The following TRANK1 variants were observed in gnomAD, a reference collection of about 807,000 sequenced individuals.
TRANK1 encodes the protein TPR and ankyrin repeat-containing protein 1.
A neutral mutation model predicts 266.0 loss-of-function variants in TRANK1; 198 were observed. The observed-to-expected ratio is 0.74, with a 90% CI of 0.66 to 0.84. TRANK1 has a LOEUF of 0.84. TRANK1 is among the 40% of genes least tolerant of loss of function. The pLI is 0.00. For synonymous variants in TRANK1, 1,396 were observed against 1,384.1 expected (o/e 1.01, Z -0.19); for missense variants, 3,326 against 3,634.6 (o/e 0.92, Z 2.18).
intron 2 of TRANK1, among the ~76,000 whole-genome samples, chr3:36,907,978 C>G (rs574305091): frequency 1.3e-5 from 2 of 152,192 alleles, no homozygotes; most frequent in African/African-American, 4.8e-5. Flanking sequence ...GCGGGGTGTG[C>G]GCTGTGGCCA....
intron 15 of TRANK1, chr3:36,850,266 G>A (rs2078969139): frequency 1.0e-6 from 1 of 985,292 alleles, no homozygotes; most frequent in Non-Finnish European, 1.2e-6. Flanking sequence ...GTGTGCATCT[G>A]ATTTTATTAG....
chr3:36,870,962 T>TAAAAAAAAAAAAAAAAAAAAAAA (rs563787088), intron 9 of TRANK1, among the ~76,000 whole-genome samples: 1 of 65,102 alleles, frequency 1.5e-5, no homozygotes, highest in Non-Finnish European at 2.9e-5. Flanking sequence ...ACAAGGAAAC[T>TAAAAAAAAAAAAAAAAAAAAAAA]AAAAAAAAAA....
chr3:36,905,583 CTG>C (rs2079954221), intron 2 of TRANK1, among the ~76,000 whole-genome samples: 1 of 152,178 alleles, frequency 6.6e-6, no homozygotes, highest in African/African-American at 2.4e-5. Flanking sequence ...GCCACCCAGT[CTG>C]TGCTATTTTG....
intron 20 of TRANK1, among the ~76,000 whole-genome samples, chr3:36,837,147 T>C (rs1186922086): frequency 1.3e-5 from 2 of 152,196 alleles, no homozygotes; most frequent in African/African-American, 4.8e-5. Context: ...CTTTTCCCAG[T>C]TCCCAAATGC....
Position 36,879,733 on chromosome 3 carries a change from TAAATATAC to T in TRANK1, c.908-5445_908-5438del, listed in dbSNP as rs1416654741. Among the ~76,000 whole-genome samples the T allele has an allele frequency of 1.9e-5, 2 of 105,768 alleles. 1 individual carries two copies. 69.4% of individuals were successfully genotyped at this position (105,768 alleles called of 152,430 possible). ...AAATATATAAATATATAAATATATA[TAAATATAC>T]AAATATATAAATATATATAAATATA... On this transcript the variant is annotated intron_variant, in intron 8 of 23. Transcript: ENST00000645898.
chr3:36,865,888 C>T (rs185472518), intron 9 of TRANK1, among the ~76,000 whole-genome samples: 1 of 151,314 alleles, frequency 6.6e-6, no homozygotes, highest in Admixed American at 6.6e-5. Context: ...ATGATTACAC[C>T]ACTGCACTCC....
At chr3:36,877,890 G>A (rs951015319) in intron 8 of TRANK1, among the ~76,000 whole-genome samples, 26 of 152,168 alleles carry the variant, frequency 1.7e-4, no homozygotes, top group African/African-American at 6.0e-4. Flanking sequence ...TATACAGTTG[G>A]ATAACATTCT....
At chr3:36,895,295 A>G (rs1221052476) in intron 5 of TRANK1, among the ~76,000 whole-genome samples, 1 of 152,210 alleles carries the variant, frequency 6.6e-6, no homozygotes, top group African/African-American at 2.4e-5. Context: ...CAGCCCAGAT[A>G]GGTCATCCGG....
chr3:36,877,986 T>C (rs558780307), intron 8 of TRANK1, among the ~76,000 whole-genome samples: 1 of 151,986 alleles, frequency 6.6e-6, no homozygotes, highest in Non-Finnish European at 1.5e-5. Flanking sequence ...AAGGAATAAG[T>C]TGAGGTAAAG....
intron 8 of TRANK1, among the ~76,000 whole-genome samples, chr3:36,879,341 G>T (rs547849338): frequency 8.7e-4 from 131 of 151,388 alleles, no homozygotes; most frequent in South Asian, 2.1e-3. Flanking sequence ...GGTATTGAAT[G>T]CTCTTTACTG....
Position 36,857,311 on chromosome 3 carries a change from T to C in TRANK1, c.2411A>G (p.Asp804Gly), listed in dbSNP as rs1195228328. Residue 804 changes from aspartate to glycine, a missense_variant, in exon 13 of 24, where the codon GAT becomes GGT. Transcript: ENST00000645898. This position sits in a 1 kb window ranked among gnomAD's most constrained non-coding sequence, Gnocchi z 4.3. ...GLGALQLVPD[D>G]NRGKEGNDDQ... ...ATCATTGCCCTCCTTCCCCCTGTTA[T>C]CATCAGGCACAAGCTGCAAGGCCCC... 6.2e-7 allele frequency: 1 copy of C among 1,609,032 alleles called. No individual in the cohort carries two copies. The highest frequency in any genetic ancestry group is 8.5e-7 in the Non-Finnish European group (1 of 1,177,662).
At chr3:36,853,628 C>G (rs1262996299) in intron 13 of TRANK1, among the ~76,000 whole-genome samples, 1 of 152,156 alleles carries the variant, frequency 6.6e-6, no homozygotes, top group Admixed American at 6.5e-5. Flanking sequence ...TTCTAGGGAA[C>G]TAGACAAGTA....
intron 17 of TRANK1, among the ~76,000 whole-genome samples, chr3:36,843,254 G>A (rs1204250424): frequency 2.0e-5 from 3 of 152,156 alleles, no homozygotes; most frequent in Admixed American, 1.3e-4. Context: ...AAAGGAGGAG[G>A]TAGAGGGGAG....
intron 9 of TRANK1, among the ~76,000 whole-genome samples, chr3:36,867,692 C>A (rs1366606650): frequency 6.6e-6 from 1 of 152,152 alleles, no homozygotes; most frequent in Non-Finnish European, 1.5e-5. Context: ...AAGTACTGAA[C>A]AACAAAAGAC....
At chr3:36,930,775 A>G (rs893141540) in intron 1 of TRANK1, among the ~76,000 whole-genome samples, 10 of 152,182 alleles carry the variant, frequency 6.6e-5, no homozygotes, top group Non-Finnish European at 1.5e-4. Context: ...GTGATTGCCA[A>G]AAAAAGAGAG....
chr3:36,881,306 G>T (rs1254146413), intron 8 of TRANK1, among the ~76,000 whole-genome samples: 1 of 152,062 alleles, frequency 6.6e-6, no homozygotes. Flanking sequence ...ACAAAAATTA[G>T]CCAGGCATGG....
intron 9 of TRANK1, among the ~76,000 whole-genome samples, chr3:36,865,508 T>C (rs1022298404): frequency 6.6e-6 from 1 of 152,174 alleles, no homozygotes; most frequent in Non-Finnish European, 1.5e-5. Flanking sequence ...TAAGGAGCCA[T>C]CTCTCTGGCC....
At chr3:36,938,110 G>A (rs190955257) in intron 1 of TRANK1, among the ~76,000 whole-genome samples, 131 of 152,310 alleles carry the variant, frequency 8.6e-4, no homozygotes, top group African/African-American at 3.1e-3. Context: ...GGAGCTCCCC[G>A]TAGACAAAAC....
intron 9 of TRANK1, among the ~76,000 whole-genome samples, chr3:36,866,663 A>G (rs1051941358): frequency 6.6e-6 from 1 of 152,226 alleles, no homozygotes; most frequent in African/African-American, 2.4e-5. Flanking sequence ...GCCTTTGGAC[A>G]ATATAAATTC....
Sources: allele counts gnomAD v4.1 joint callset (sites outside exome capture counted in the v4.1 genomes callset), GRCh38; gene constraint gnomAD v4.1.1; non-coding constraint Gnocchi (gnomAD v3.1); transcripts MANE v1.5; gene names NCBI Gene and HGNC (gene_info 2026-07-23, HGNC 2026-07-21).